Variants in PPM1E observed in about 807,000 individuals in gnomAD.
PPM1E encodes protein phosphatase, Mg2+/Mn2+ dependent 1E.
PPM1E carries 20 observed loss-of-function variants against 65.9 expected under a neutral mutation model. The observed-to-expected ratio is 0.30, with a 90% CI of 0.21 to 0.44. The LOEUF (loss-of-function observed/expected upper bound fraction) is 0.44. Among genes scored for constraint, PPM1E ranks in the 20% least tolerant of loss-of-function variants. The pLI is 1.00. For missense variants in PPM1E, 713 were observed against 953.1 expected, an observed-to-expected ratio of 0.75 and a Z score of 3.32; for synonymous variants, 352 against 374.9, an observed-to-expected ratio of 0.94 and a Z score of 0.70.
chr17:58,773,532 A>T (rs1351253302), intron 1 of PPM1E, among the ~76,000 whole-genome samples: 1 of 152,130 alleles, frequency 6.6e-6, no homozygotes, highest in Non-Finnish European at 1.5e-5. Flanking sequence ...TATTGTACCA[A>T]AAGACATTTG....
At position 58,756,117 on chromosome 17, in the gene PPM1E, A is replaced by G. The variant is rs2049758578; in HGVS notation, c.120A>G (p.Glu40=). The G allele has an allele frequency of 6.2e-7, 1 of 1,607,506 alleles. No individual in the cohort carries two copies. The highest frequency in any genetic ancestry group is 8.5e-7 in the Non-Finnish European group (1 of 1,176,896). Residue 40 remains glutamate, a synonymous_variant, in exon 1 of 7, where the codon GAA becomes GAG. Transcript: ENST00000308249. ...EPEPEPEPEP[E]PEPESEPEPE... is the part of the protein sequence containing the mutation. ...AGCCGGAACCCGAACCCGAACCCGA[A>G]CCCGAACCCGAGTCCGAGCCCGAGC... is the stretch of plus-strand genomic sequence containing the variant.
intron 1 of PPM1E, among the ~76,000 whole-genome samples, chr17:58,799,699 C>G (rs764421796): frequency 6.6e-6 from 1 of 152,216 alleles, no homozygotes. Context: ...CCGCCTCAGC[C>G]TCCCAAAGTG....
At chr17:58,892,118 G>A (rs1567866303) in intron 1 of PPM1E, among the ~76,000 whole-genome samples, 1 of 152,034 alleles carries the variant, frequency 6.6e-6, no homozygotes, top group Non-Finnish European at 1.5e-5. Flanking sequence ...TTACAGGTGT[G>A]AGCCACCGTG....
intron 1 of PPM1E, among the ~76,000 whole-genome samples, chr17:58,805,961 C>CAAAAAAAAAAAAAAA (rs71367632): frequency 4.9e-4 from 34 of 69,758 alleles, no homozygotes; most frequent in Middle Eastern, 0.011. Flanking sequence ...AAAAAAAAAA[C>CAAAAAAAAAAAAAAA]AAAAAAAAAA....
intron 1 of PPM1E, among the ~76,000 whole-genome samples, chr17:58,841,755 T>G (rs1315425956): frequency 1.3e-5 from 2 of 152,040 alleles, no homozygotes; most frequent in Non-Finnish European, 2.9e-5. Flanking sequence ...TTGCCCAGGC[T>G]GGAGTGCAGT....
chr17:58,775,688 G>C (rs545225169), intron 1 of PPM1E, among the ~76,000 whole-genome samples: 41 of 150,954 alleles, frequency 2.7e-4, no homozygotes, highest in Non-Finnish European at 5.6e-4. Flanking sequence ...GCCGAGGCGG[G>C]TGGATCATGA....
chr17:58,792,722 T>C (rs2050167808), intron 1 of PPM1E, among the ~76,000 whole-genome samples: 1 of 151,308 alleles, frequency 6.6e-6, no homozygotes, highest in Non-Finnish European at 1.5e-5. Context: ...AGTTATTATT[T>C]TATTTTATAA....
chr17:58,838,043 C>CCT (rs1337765548), intron 1 of PPM1E, among the ~76,000 whole-genome samples: 4 of 152,152 alleles, frequency 2.6e-5, no homozygotes, highest in Admixed American at 2.0e-4. Context: ...GTCACAAAAA[C>CCT]TAACTTAAAA....
At chr17:58,891,179 TG>T (rs1306551323) in intron 1 of PPM1E, among the ~76,000 whole-genome samples, 3 of 152,232 alleles carry the variant, frequency 2.0e-5, no homozygotes, top group South Asian at 2.1e-4. Flanking sequence ...TTGGTCAGGG[TG>T]GTCTCAAACC....
chr17:58,983,099 G>T lies in PPM1E; in HGVS notation c.*2068G>T. 1 of 569,000 alleles carries T rather than the reference G, an allele frequency of 1.8e-6. No homozygotes were observed. Among genetic ancestry groups the T allele is most frequent in the Non-Finnish European group, 3.0e-6 (1 of 330,134 alleles). 35.2% of individuals were successfully genotyped at this position (569,000 alleles called of 1,614,324 possible). A position where few individuals can be genotyped will look rare whatever the true frequency, so the allele number is the denominator to read the frequency against. ...ACTACACATGCTAGGCTTTCTCAGT[G>T]GGGAAAAAAATGGCTGGATAGAACT... On this transcript the variant is annotated 3_prime_UTR_variant, in exon 7 of 7. Transcript: ENST00000308249.
chr17:58,831,284 C>T (rs1450748851), intron 1 of PPM1E, among the ~76,000 whole-genome samples: 3 of 152,204 alleles, frequency 2.0e-5, no homozygotes, highest in African/African-American at 7.2e-5. Flanking sequence ...GCTAGGATTA[C>T]AGGCGTGAGC....
At chr17:58,882,248 C>G (rs1394875983) in intron 1 of PPM1E, among the ~76,000 whole-genome samples, 1 of 152,044 alleles carries the variant, frequency 6.6e-6, no homozygotes, top group African/African-American at 2.4e-5. Flanking sequence ...ATCTTATTCC[C>G]CTCTCCAGAA....
chr17:58,787,780 G>A (rs1285060922), intron 1 of PPM1E, among the ~76,000 whole-genome samples: 2 of 151,682 alleles, frequency 1.3e-5, no homozygotes, highest in African/African-American at 2.4e-5. Flanking sequence ...GGTGGCAGGC[G>A]CCTGTAGTCC....
At chr17:58,756,507 G>A in intron 1 of PPM1E, 46 bp downstream of exon 1, 1 of 1,262,068 alleles carries the variant, frequency 7.9e-7, no homozygotes. Context: ...GGTCCCCACC[G>A]CGCCGGCCTC....
chr17:58,827,466 A>C (rs1365607759), intron 1 of PPM1E, among the ~76,000 whole-genome samples: 1 of 152,098 alleles, frequency 6.6e-6, no homozygotes, highest in African/African-American at 2.4e-5. Context: ...ACACCTGGCC[A>C]AAATCCATGA....
chr17:58,865,918 A>C (rs1213231253), intron 1 of PPM1E, among the ~76,000 whole-genome samples: 1 of 152,318 alleles, frequency 6.6e-6, no homozygotes, highest in East Asian at 1.9e-4. Context: ...GCTGAGACAA[A>C]GAAGGCCATA....
Position 58,875,075 on chromosome 17 carries a change from A to C in PPM1E, c.465-80574A>C, listed in dbSNP as rs1217680112. Among the ~76,000 whole-genome samples, 3 of 152,164 alleles carry C rather than the reference A, an allele frequency of 2.0e-5. No homozygotes were observed. The East Asian group carries it at 5.8e-4, about 29-fold the overall frequency. ...ACAATGTAATTGCCCTTACTTGGCT[A>C]ATTATAAACACAAATATGGAAGTTT... is the stretch of plus-strand genomic sequence containing the variant. On this transcript the variant is annotated intron_variant, in intron 1 of 6. Coordinates refer to ENST00000308249, the MANE Select transcript of PPM1E (RefSeq NM_014906.5).
At chr17:58,874,124 G>A (rs944867826) in intron 1 of PPM1E, among the ~76,000 whole-genome samples, 1 of 152,122 alleles carries the variant, frequency 6.6e-6, no homozygotes, top group South Asian at 2.1e-4. Flanking sequence ...GAAGTTGAAG[G>A]CCAGCTATCT....
chr17:58,855,494 A>G (rs1375402960), intron 1 of PPM1E, among the ~76,000 whole-genome samples: 1 of 152,204 alleles, frequency 6.6e-6, no homozygotes, highest in Non-Finnish European at 1.5e-5. Context: ...AGGCCTAGTT[A>G]TAGCAATTCC....
Sources: gnomAD v4.1 joint callset for allele counts (sites outside exome capture counted in the v4.1 genomes callset) on GRCh38, gnomAD v4.1.1 for gene constraint, MANE v1.5 for transcripts, NCBI Gene and HGNC (gene_info 2026-07-23, HGNC 2026-07-21) for gene names.